The following SETDB1 variants were observed in gnomAD, a reference collection of about 807,000 sequenced individuals.
The protein encoded by SETDB1 is histone-lysine N-methyltransferase SETDB1.
SETDB1 carries 31 observed loss-of-function variants against 137.4 expected under a neutral mutation model. That is an observed-to-expected ratio of 0.23 (90% CI 0.17 to 0.30). The LOEUF (loss-of-function observed/expected upper bound fraction) is 0.30, where lower values mean the gene tolerates loss of function less well. Ranked by LOEUF, SETDB1 falls within the 10% of genes least tolerant of loss-of-function variation. The pLI, the probability that SETDB1 is intolerant of heterozygous loss-of-function variation, is 1.00. For synonymous variants in SETDB1, 548 were observed against 579.9 expected (o/e 0.95, Z 0.79); for missense variants, 1,113 against 1,631.5 (o/e 0.68, Z 5.47).
At chr1:150,932,829 G>T (rs903674781) in intron 3 of SETDB1, among the ~76,000 whole-genome samples, 2 of 151,960 alleles carry the variant, frequency 1.3e-5, no homozygotes, top group African/African-American at 4.8e-5. Flanking sequence ...TTGCTTTGCT[G>T]CATCTCATAA....
chr1:150,944,098 C>T (rs1379651880), intron 8 of SETDB1, 105 bp downstream of exon 8: 1 of 830,080 alleles, frequency 1.2e-6, no homozygotes, highest in African/African-American at 1.7e-5. Context: ...ATTTCAGTCT[C>T]AAAGAGCATA....
intron 10 of SETDB1, 45 bp downstream of exon 10, chr1:150,947,057 C>T (rs1380246193): frequency 6.2e-7 from 1 of 1,609,948 alleles, no homozygotes; most frequent in African/African-American, 1.3e-5. Context: ...ACAGGCCAAC[C>T]AGCAAAGGAG....
At position 150,960,777 on chromosome 1, in the gene SETDB1, C is replaced by A; in HGVS notation, c.2718C>A (p.Ser906Arg). Residue 906 changes from serine (S) to arginine (R), a missense_variant, in exon 16 of 22, where the codon AGC (serine) becomes AGA (arginine). By Grantham distance (110) the Ser-to-Arg change is moderately radical. This residue lies in a region of SETDB1 where 373 missense variants were observed against 412.7 expected (regional missense o/e 0.90). Transcript: ENST00000692827. ...ACCCTGAAGAGTCCAATGATGATAG[C>A]TCAGATGATAACTTCTGTAAGGATG... ...TEDPEESNDD[S>R]SDDNFCKDED... 1 of 1,610,446 alleles carries A rather than the reference C, an allele frequency of 6.2e-7. No individual in the cohort carries two copies. The highest frequency in any genetic ancestry group is 8.5e-7 in the Non-Finnish European group (1 of 1,178,246).
chr1:150,959,170 C>T lies in SETDB1; in HGVS notation c.2334-8C>T, dbSNP rs367631975. ...ACCGTGATTGATTTTATTCTAACCT[C>T]CTCCCAGGGTATATGAGTGTAACAA... is the stretch of plus-strand genomic sequence containing the variant. On this transcript the variant is annotated splice_region_variant and splice_polypyrimidine_tract_variant and intron_variant, in intron 14 of 21. Coordinates refer to ENST00000692827, the MANE Select transcript of SETDB1 (RefSeq NM_001366418.1). 6.5e-7 allele frequency: 1 copy of T among 1,528,596 alleles called. No individual in the cohort carries two copies. Among genetic ancestry groups the T allele is most frequent in the Non-Finnish European group, 8.7e-7 (1 of 1,145,226 alleles). 94.7% of individuals were successfully genotyped at this position (1,528,596 alleles called of 1,614,324 possible). A position where few individuals can be genotyped will look rare whatever the true frequency, so the allele number is the denominator to read the frequency against.
chr1:150,949,341 A>G, intron 11 of SETDB1, 26 bp from the exon 12 acceptor site: 1 of 1,613,830 alleles, frequency 6.2e-7, no homozygotes, highest in East Asian at 2.2e-5. Flanking sequence ...ATCCCTTACT[A>G]TATGCCCTCT....
Position 150,927,699 on chromosome 1 carries a change from T to G in SETDB1, c.-11-5T>G, listed in dbSNP as rs998977123. ...CCAATTTAATTTGTTTTCTGTTCCA[T>G]GCAGAGGACAAAAGCATGTCTTCCC... is the stretch of plus-strand genomic sequence containing the variant. On this transcript the variant is annotated splice_polypyrimidine_tract_variant and splice_region_variant and intron_variant, in intron 1 of 21. Coordinates refer to ENST00000692827, the MANE Select transcript of SETDB1 (RefSeq NM_001366418.1). 1 of 1,612,550 alleles carries G rather than the reference T, an allele frequency of 6.2e-7. No homozygotes were observed. The highest frequency in any genetic ancestry group is 1.3e-5 in the African/African-American group (1 of 74,914).
intron 3 of SETDB1, among the ~76,000 whole-genome samples, chr1:150,931,310 G>A (rs1384563753): frequency 7.1e-6 from 1 of 140,696 alleles, no homozygotes; most frequent in Non-Finnish European, 1.5e-5. Context: ...TCCTGGCCAG[G>A]CGTGGTGGCT....
rs1670207087 is a variant in SETDB1 at position 150,942,878 on chromosome 1, T to C, written c.700T>C (p.Phe234Leu). Residue 234 changes from phenylalanine to leucine, a missense_variant, in exon 7 of 22, where the codon TTT becomes CTT. Phe to Leu is a conservative substitution (Grantham distance 22, BLOSUM62 0). Transcript: ENST00000692827. ...GCCAGGGAAGAAATACAAGGTGAAA[T>C]TTGACAACAAAGGAAAGAGTCTACT... ...VGPGKKYKVK[F>L]DNKGKSLLSG... 1 of 1,614,148 alleles carries C rather than the reference T, an allele frequency of 6.2e-7. No individual in the cohort carries two copies. The highest frequency in any genetic ancestry group is 8.5e-7 in the Non-Finnish European group (1 of 1,180,000).
intron 3 of SETDB1, among the ~76,000 whole-genome samples, chr1:150,932,964 T>G (rs867708632): frequency 6.4e-4 from 97 of 152,100 alleles, no homozygotes; most frequent in Admixed American, 4.3e-3. Flanking sequence ...ATATTTGGGG[T>G]TTTTTTGATA....
intron 14 of SETDB1, among the ~76,000 whole-genome samples, chr1:150,952,621 G>A: frequency 6.6e-6 from 1 of 152,154 alleles, no homozygotes; most frequent in East Asian, 1.9e-4. Flanking sequence ...GCTCACGCCT[G>A]TAATCCCAGC....
chr1:150,959,090 T>A (rs1193298886), intron 14 of SETDB1, 88 bp from the exon 15 acceptor site: 1 of 926,170 alleles, frequency 1.1e-6, no homozygotes, highest in Non-Finnish European at 1.6e-6. Flanking sequence ...TTATAAATGA[T>A]GATAGCTTAA....
intron 2 of SETDB1, chr1:150,928,177 C>A (rs976809740): frequency 1.7e-6 from 1 of 572,848 alleles, no homozygotes; most frequent in Non-Finnish European, 3.1e-6. Context: ...CCCACCTCCC[C>A]CTCCCGAGTA....
chr1:150,928,706 C>G (rs916844156), intron 2 of SETDB1, among the ~76,000 whole-genome samples: 9 of 152,120 alleles, frequency 5.9e-5, no homozygotes, highest in Admixed American at 2.0e-4. Context: ...GTTGGTGTCA[C>G]TTACATTAGG....
chr1:150,927,325 C>T (rs145262120), intron 1 of SETDB1, among the ~76,000 whole-genome samples: 6 of 152,262 alleles, frequency 3.9e-5, no homozygotes, highest in African/African-American at 1.4e-4. Context: ...CGAGTCTTGC[C>T]ATGTTGCCCA....
intron 3 of SETDB1, chr1:150,930,378 A>AT: frequency 2.7e-6 from 1 of 370,770 alleles, no homozygotes; most frequent in Non-Finnish European, 4.9e-6. Flanking sequence ...AAAGAGTGGA[A>AT]TTGCCAGGAC....
chr1:150,949,783 T>C (rs587728146), intron 12 of SETDB1, among the ~76,000 whole-genome samples: 49 of 152,304 alleles, frequency 3.2e-4, no homozygotes, highest in South Asian at 2.5e-3. Flanking sequence ...GGTGCCATCA[T>C]TGCTAAAATA....
In SETDB1 at chr1:150,960,677, G is replaced by C. The variant is rs1309258276; in HGVS notation, c.2618G>C (p.Ser873Thr). The part of the protein sequence containing the change: ...SVENFKEGYE[S>T]DAPCSSDSSG... The stretch of plus-strand genomic sequence containing the variant: ...GAGAACTTCAAAGAAGGATATGAGA[G>C]TGATGCCCCCTGTTCCTCTGACAGC... The change falls in exon 16 of 22, where the codon AGT becomes ACT. Residue 873 changes from serine to threonine, a missense_variant. By Grantham distance (58) the Ser-to-Thr change is moderately conservative. Coordinates refer to ENST00000692827, the MANE Select transcript of SETDB1 (RefSeq NM_001366418.1). The C allele has an allele frequency of 6.2e-7, 1 of 1,613,444 alleles. No individual in the cohort carries two copies. The highest frequency in any genetic ancestry group is 1.1e-5 in the South Asian group (1 of 90,942).
chr1:150,927,116 A>G (rs2102620351), intron 1 of SETDB1, among the ~76,000 whole-genome samples: 1 of 152,316 alleles, frequency 6.6e-6, no homozygotes, highest in East Asian at 1.9e-4. Context: ...CAGTATCCCA[A>G]AAGATTATTT....
At chr1:150,960,418 A>T (rs1272507852) in intron 15 of SETDB1, 145 bp from the exon 16 acceptor site, 6 of 648,634 alleles carry the variant, frequency 9.3e-6, no homozygotes, top group Non-Finnish European at 1.6e-5. Flanking sequence ...CAGAGGTTGC[A>T]GTGAGCCGAG....
Sources: gnomAD v4.1 joint callset for allele counts (sites outside exome capture counted in the v4.1 genomes callset) on GRCh38, gnomAD v4.1.1 for gene constraint, gnomAD v4.1.1 regional missense constraint, MANE v1.5 for transcripts, NCBI Gene and HGNC (gene_info 2026-07-23, HGNC 2026-07-21) for gene names.